Variants in ZNF334 observed in about 807,000 individuals in gnomAD.
ZNF334 encodes zinc finger protein 334.
In ZNF334, 14 loss-of-function variants were observed where a neutral mutation model predicts 12.4. The observed-to-expected ratio is 1.13, with a 90% CI of 0.74 to 1.76. The LOEUF (loss-of-function observed/expected upper bound fraction) is 1.76, where lower values mean the gene tolerates loss of function less well. Among genes scored for constraint, ZNF334 ranks in the 40% most tolerant of loss-of-function variants. The probability of loss-of-function intolerance (pLI) is 0.00; values close to 1 mark genes in which losing one functional copy is unlikely to be tolerated. For synonymous variants in ZNF334, 273 were observed against 269.6 expected (o/e 1.01, Z -0.12); for missense variants, 797 against 804.5 (o/e 0.99, Z 0.11).
the ZNF334 span, chr20:46,464,470 C>A: frequency 1.9e-6 from 1 of 518,860 alleles, no homozygotes; most frequent in South Asian, 1.5e-5. Flanking sequence ...AGACCACCTC[C>A]ATGCAGATCC....
At chr20:46,487,720 T>C in the ZNF334 span, among the ~76,000 whole-genome samples, 62,730 of 152,124 alleles carry the variant, frequency 0.41, 14,933 homozygotes, top group African/African-American at 0.66. Flanking sequence ...AACATAGCTA[T>C]TCTAGCTTTC....
chr20:46,472,194 C>T, the ZNF334 span, among the ~76,000 whole-genome samples: 2 of 152,154 alleles, frequency 1.3e-5, no homozygotes, highest in Admixed American at 6.5e-5. Context: ...ACTCTTTTGA[C>T]TTTCTCCCCT....
intron 4 of ZNF334, 116 bp from the exon 5 acceptor site, chr20:46,503,213 AG>A (rs1443113177): frequency 5.9e-6 from 7 of 1,195,096 alleles, no homozygotes; most frequent in Non-Finnish European, 7.7e-6. Context: ...AAGCCTTCCA[AG>A]ATTAAACAAA....
downstream of ZNF334, among the ~76,000 whole-genome samples, chr20:46,495,776 C>T (rs976094732): frequency 2.0e-5 from 3 of 151,390 alleles, no homozygotes; most frequent in Non-Finnish European, 4.4e-5. Context: ...GAGTTGGATT[C>T]AGGCCCAGAC....
chr20:46,476,210 T>G, the ZNF334 span: 1 of 152,112 alleles, frequency 6.6e-6, no homozygotes, highest in Non-Finnish European at 1.5e-5. Flanking sequence ...ATTTTAGAAA[T>G]GGAGAAGAGA....
At chr20:46,482,936 T>C in the ZNF334 span, among the ~76,000 whole-genome samples, 1 of 152,216 alleles carries the variant, frequency 6.6e-6, no homozygotes, top group African/African-American at 2.4e-5. Flanking sequence ...AATGTTGCCA[T>C]GAAGTCTCTA....
the ZNF334 span, chr20:46,463,674 C>A: frequency 4.6e-6 from 1 of 217,196 alleles, no homozygotes; most frequent in East Asian, 9.6e-5. Context: ...AAAACACTAA[C>A]TTCAGGATTT....
chr20:46,480,274 G>T, the ZNF334 span, among the ~76,000 whole-genome samples: 1 of 152,094 alleles, frequency 6.6e-6, no homozygotes, highest in African/African-American at 2.4e-5. Flanking sequence ...GGACATGTTT[G>T]GGGGGCAATT....
At chr20:46,498,075 C>CT (rs2061054518), downstream of ZNF334, among the ~76,000 whole-genome samples, 1 of 152,184 alleles carries the variant, frequency 6.6e-6, no homozygotes, top group Admixed American at 6.5e-5. Flanking sequence ...TTTCTCTTGC[C>CT]TTTAGTACGA....
the ZNF334 span, among the ~76,000 whole-genome samples, chr20:46,494,360 G>T: frequency 6.6e-6 from 1 of 152,150 alleles, no homozygotes; most frequent in African/African-American, 2.4e-5. Context: ...CTGCCACAGA[G>T]CTCAAGTGTT....
chr20:46,488,804 GT>G, the ZNF334 span, among the ~76,000 whole-genome samples: 270 of 104,102 alleles, frequency 2.6e-3, 1 homozygote, highest in South Asian at 8.9e-3. Context: ...CTAGTTAATA[GT>G]TTTTTTTTTT....
chr20:46,476,914 T>C, the ZNF334 span: 2 of 152,222 alleles, frequency 1.3e-5, no homozygotes, highest in Non-Finnish European at 2.9e-5. Flanking sequence ...CACCATGTGA[T>C]CTTAGAAAAA....
the ZNF334 span, among the ~76,000 whole-genome samples, chr20:46,487,438 C>T: frequency 0.19 from 29,346 of 152,040 alleles, 3,000 homozygotes; most frequent in African/African-American, 0.25. Context: ...TTATTCCATT[C>T]GTGTATTTGT....
the ZNF334 span, among the ~76,000 whole-genome samples, chr20:46,470,290 C>T: frequency 6.6e-6 from 1 of 152,216 alleles, no homozygotes; most frequent in Admixed American, 6.5e-5. Flanking sequence ...CATCTTTCCT[C>T]CTCCTACTTT....
At chr20:46,498,970 C>T (rs1253204504), downstream of ZNF334, among the ~76,000 whole-genome samples, 3 of 151,710 alleles carry the variant, frequency 2.0e-5, no homozygotes, top group East Asian at 1.9e-4. Context: ...GTCAGGAGAT[C>T]GAGACCATCC....
chr20:46,471,757 T>A, the ZNF334 span, among the ~76,000 whole-genome samples: 3 of 152,206 alleles, frequency 2.0e-5, no homozygotes, highest in African/African-American at 7.2e-5. Flanking sequence ...ATAGGTTTAT[T>A]TCTGGGTTCT....
chr20:46,511,549 A>G (rs1471212388), intron 2 of ZNF334, among the ~76,000 whole-genome samples: 1 of 152,252 alleles, frequency 6.6e-6, no homozygotes, highest in Admixed American at 6.5e-5. Context: ...AACTTGTTTT[A>G]TAAGTATAGC....
At chr20:46,489,904 T>C in the ZNF334 span, among the ~76,000 whole-genome samples, 2 of 152,170 alleles carry the variant, frequency 1.3e-5, no homozygotes, top group Non-Finnish European at 2.9e-5. Flanking sequence ...GATTTTTTTG[T>C]CTGTATTAAC....
chr20:46,488,447 ACCATAATT>A, the ZNF334 span, among the ~76,000 whole-genome samples: 1 of 144,146 alleles, frequency 6.9e-6, no homozygotes, highest in African/African-American at 2.6e-5. Context: ...ATATATAAAT[ACCATAATT>A]TATCTCCACC....
Sources: gnomAD v4.1 joint callset for allele counts (sites outside exome capture counted in the v4.1 genomes callset) on GRCh38, gnomAD v4.1.1 for gene constraint, MANE v1.5 for transcripts, NCBI Gene and HGNC (gene_info 2026-07-23, HGNC 2026-07-21) for gene names.